SYNE1: variants seen among roughly 807,000 people sequenced by gnomAD.
The protein encoded by SYNE1 is nesprin-1.
In SYNE1, 616 loss-of-function variants were observed where a neutral mutation model predicts 1,111.0. The ratio of observed to expected loss-of-function variants is 0.55; its 90% confidence interval spans 0.52 to 0.59. The LOEUF (loss-of-function observed/expected upper bound fraction) is 0.59. Among genes scored for constraint, SYNE1 ranks in the 20% least tolerant of loss-of-function variants. SYNE1 has a pLI of 0.00. For missense variants in SYNE1, 10,006 were observed against 10,417.0 expected (o/e 0.96, Z 1.72); for synonymous variants, 3,855 against 3,825.8 (o/e 1.01, Z -0.28).
chr6:152,540,291 A>C (rs2099263181), intron 3 of SYNE1, among the ~76,000 whole-genome samples: 1 of 152,122 alleles, frequency 6.6e-6, no homozygotes, highest in Non-Finnish European at 1.5e-5. Context: ...TTCACTGATG[A>C]CTTATACTTC....
rs376603186 is a variant in SYNE1, at chr6:152,263,096, G to A, written c.18816-908C>T. ...ACCTGGGAAGGTAGTATAGGACACGGAAAGATAGTACAGGGCCTGGGAAGG... is the reference window on the plus strand; with the variant it reads ...ACCTGGGAAGGTAGTATAGGACACGAAAAGATAGTACAGGGCCTGGGAAGG... On this transcript the variant is annotated intron_variant, in intron 100 of 145. Transcript: ENST00000367255. Among the ~76,000 whole-genome samples the A allele has an allele frequency of 1.3e-4, 20 of 151,884 alleles. No individual in the cohort carries two copies. In the South Asian group the frequency reaches 3.1e-3, roughly 24 times the overall value.
At chr6:152,275,733 T>C (rs1179389781) in intron 98 of SYNE1, among the ~76,000 whole-genome samples, 1 of 119,072 alleles carries the variant, frequency 8.4e-6, no homozygotes, top group Non-Finnish European at 1.7e-5. Context: ...ATTAAAAAAA[T>C]TAGCTAGGCA....
intron 122 of SYNE1, 64 bp from the exon 123 acceptor site, chr6:152,213,823 T>C (rs2078019433): frequency 1.3e-6 from 2 of 1,596,466 alleles, no homozygotes; most frequent in Non-Finnish European, 1.7e-6. Flanking sequence ...CTCTAGCATA[T>C]AAAACTAGAT....
At chr6:152,196,879 G>T (rs970379073) in intron 127 of SYNE1, among the ~76,000 whole-genome samples, 1 of 152,120 alleles carries the variant, frequency 6.6e-6, no homozygotes, top group Non-Finnish European at 1.5e-5. Context: ...GGCCTAGACA[G>T]CCTTTCAAAT....
chr6:152,624,101 TTTTG>T (rs1295180034), intron 3 of SYNE1, among the ~76,000 whole-genome samples: 6 of 152,150 alleles, frequency 3.9e-5, no homozygotes, highest in African/African-American at 9.6e-5. Flanking sequence ...GCTTATCCTT[TTTTG>T]TTTGTTTGTT....
chr6:152,373,081 T>C lies in SYNE1; in HGVS notation c.9463A>G (p.Lys3155Glu). The C allele has an allele frequency of 6.2e-7, 1 of 1,614,190 alleles. No homozygotes were observed. Among genetic ancestry groups the C allele is most frequent in the African/African-American group, 1.3e-5 (1 of 75,052 alleles). Residue 3155 changes from lysine to glutamate, a missense_variant, in exon 59 of 146, where the codon AAA (lysine) becomes GAA (glutamate). Transcript: ENST00000367255. ...TGGTGGAGATTTGAATGAAAATTTT[T>C]CCAATCTTCTTTTGCAGCTGTAACT... ...AKVTAAKEDW[K>E]NFHSNLHQKE...
chr6:152,339,246 G>C lies in SYNE1; in HGVS notation c.12346C>G (p.Gln4116Glu). The change falls in exon 75 of 146, where the codon CAA (glutamine) becomes GAA (glutamate). Residue 4116 changes from glutamine (Q) to glutamate (E), a missense_variant. Transcript: ENST00000367255. ...TTAKDIQQTE[Q>E]TIEQKLVQAQ... ...GTGATTTTTCATTTTCTTACCGTTT[G>C]CTCTGTTTGTTGAATGTCTTTTGCT... The C allele has an allele frequency of 6.2e-7, 1 of 1,613,562 alleles. No individual in the cohort carries two copies. The highest frequency in any genetic ancestry group is 8.5e-7 in the Non-Finnish European group (1 of 1,179,612).
intron 11 of SYNE1, among the ~76,000 whole-genome samples, chr6:152,493,605 C>T (rs1233187680): frequency 2.6e-5 from 4 of 152,124 alleles, no homozygotes; most frequent in African/African-American, 9.7e-5. Flanking sequence ...CAGATCTTCC[C>T]AACAGGACAT....
At chr6:152,542,045 G>A (rs1316967691) in intron 3 of SYNE1, among the ~76,000 whole-genome samples, 1 of 152,128 alleles carries the variant, frequency 6.6e-6, no homozygotes, top group Non-Finnish European at 1.5e-5. Flanking sequence ...CATGTACTGA[G>A]TATCAGCTGT....
At chr6:152,630,921 T>C (rs1565308515) in intron 2 of SYNE1, among the ~76,000 whole-genome samples, 2 of 152,232 alleles carry the variant, frequency 1.3e-5, no homozygotes, top group African/African-American at 4.8e-5. Context: ...TCTCGTTACA[T>C]TAAACTCAGA....
At chr6:152,159,361 C>T (rs4870077) in intron 131 of SYNE1, among the ~76,000 whole-genome samples, 71,616 of 152,032 alleles carry the variant, frequency 0.47, 19,998 homozygotes, top group African/African-American at 0.79. Flanking sequence ...TCCCAGATCA[C>T]ATGGGAATGT....
At position 152,189,312 on chromosome 6, in the gene SYNE1, G is replaced by A; in HGVS notation, c.23241C>T (p.Ile7747=). Residue 7747 remains isoleucine, a synonymous_variant, in exon 128 of 146, where the codon ATC becomes ATT. Transcript: ENST00000367255. ...GCTCTACGCGTTCATTAAGAATGGAGATATCATCAGCACTGATATAGGCAG... is the reference window on the plus strand; with the variant it reads ...GCTCTACGCGTTCATTAAGAATGGAAATATCATCAGCACTGATATAGGCAG... ...TLSAYISADD[I]SILNERVELL... 1.9e-6 allele frequency: 3 copies of A among 1,613,990 alleles called. No individual in the cohort carries two copies. The highest frequency in any genetic ancestry group is 2.5e-6 in the Non-Finnish European group (3 of 1,179,960).
At chr6:152,186,382 C>T (rs1221950508) in intron 128 of SYNE1, among the ~76,000 whole-genome samples, 2 of 151,480 alleles carry the variant, frequency 1.3e-5, no homozygotes, top group East Asian at 3.9e-4. Context: ...CATGGAGAAA[C>T]CCTGTCTCTA....
intron 10 of SYNE1, among the ~76,000 whole-genome samples, chr6:152,501,256 A>G (rs1265803759): frequency 6.6e-6 from 1 of 152,126 alleles, no homozygotes; most frequent in Non-Finnish European, 1.5e-5. Flanking sequence ...AAATATTAAA[A>G]GAATGGTCAT....
chr6:152,147,839 T>C (rs1375886369), intron 137 of SYNE1: 3 of 581,612 alleles, frequency 5.2e-6, no homozygotes, highest in African/African-American at 1.9e-5. Flanking sequence ...TGTCACCTAC[T>C]ACCACAAATC....
At chr6:152,409,991 G>A (rs1157380619) in intron 42 of SYNE1, among the ~76,000 whole-genome samples, 1 of 152,126 alleles carries the variant, frequency 6.6e-6, no homozygotes, top group Non-Finnish European at 1.5e-5. Context: ...AGCAATATAT[G>A]TTCTTGCCAA....
intron 100 of SYNE1, among the ~76,000 whole-genome samples, chr6:152,263,411 GA>G (rs1215501528): frequency 6.6e-6 from 1 of 151,948 alleles, no homozygotes; most frequent in African/African-American, 2.4e-5. Context: ...TTATTTTTGA[GA>G]CAGGGTTTCA....
chr6:152,135,487 A>G (rs959983613), intron 141 of SYNE1, among the ~76,000 whole-genome samples: 1 of 152,218 alleles, frequency 6.6e-6, no homozygotes, highest in Admixed American at 6.5e-5. Context: ...TTATTTCTGA[A>G]AAAAGGGTAG....
intron 127 of SYNE1, 117 bp downstream of exon 127, chr6:152,201,707 A>AT (rs753082441): frequency 2.6e-5 from 39 of 1,491,020 alleles, no homozygotes; most frequent in Non-Finnish European, 3.5e-5. Context: ...CTTATGTCAT[A>AT]TACTAGGATC....
Sources: gnomAD v4.1 joint callset for allele counts (sites outside exome capture counted in the v4.1 genomes callset) on GRCh38, gnomAD v4.1.1 for gene constraint, MANE v1.5 for transcripts, NCBI Gene and HGNC (gene_info 2026-07-23, HGNC 2026-07-21) for gene names.